The following COL22A1 variants were observed in gnomAD, a reference collection of about 807,000 sequenced individuals.
COL22A1 encodes collagen alpha-1(XXII) chain.
COL22A1 carries 221 observed loss-of-function variants against 248.9 expected under a neutral mutation model. That is an observed-to-expected ratio of 0.89 (90% confidence interval 0.80 to 0.99). The LOEUF is 0.99. Among genes scored for constraint, COL22A1 ranks in the 50% least tolerant of loss-of-function variants. COL22A1 has a pLI of 0.00. For synonymous variants in COL22A1, 891 were observed against 793.4 expected (o/e 1.12, Z -2.07); for missense variants, 2,240 against 2,179.0 (o/e 1.03, Z -0.56).
chr8:138,637,865 C>T (rs573162641), intron 47 of COL22A1, among the ~76,000 whole-genome samples: 1 of 150,348 alleles, frequency 6.7e-6, no homozygotes, highest in Admixed American at 6.7e-5. Flanking sequence ...CATTATTATT[C>T]CATAACCATC....
At position 138,589,121 on chromosome 8, in the gene COL22A1, A is replaced by T; in HGVS notation, c.*132T>A. On this transcript the variant is annotated 3_prime_UTR_variant, in exon 65 of 65. Transcript: ENST00000303045. ...TGAGGTCTCTCAAGAAAATAAAACA[A>T]AAAGCAAACGATAAAAGAAAGAAAA... 1 of 853,848 alleles carries T rather than the reference A, an allele frequency of 1.2e-6. No individual in the cohort carries two copies. The highest frequency in any genetic ancestry group is 1.8e-6 in the Non-Finnish European group (1 of 552,926). 52.9% of individuals were successfully genotyped at this position (853,848 alleles called of 1,614,324 possible). A position where few individuals can be genotyped will look rare whatever the true frequency, so the allele number is the denominator to read the frequency against.
At chr8:138,907,370 T>C (rs1815108266) in intron 1 of COL22A1, among the ~76,000 whole-genome samples, 1 of 152,224 alleles carries the variant, frequency 6.6e-6, no homozygotes. Flanking sequence ...TGAGCATTTA[T>C]TGGTAGGAGA....
intron 23 of COL22A1, among the ~76,000 whole-genome samples, chr8:138,728,560 C>T (rs187153919): frequency 2.6e-5 from 4 of 152,140 alleles, no homozygotes; most frequent in Non-Finnish European, 4.4e-5. Flanking sequence ...TCTGGCCCTG[C>T]TTGCCTTCCT....
chr8:138,768,395 A>G (rs1834079881), intron 16 of COL22A1, among the ~76,000 whole-genome samples: 1 of 152,032 alleles, frequency 6.6e-6, no homozygotes, highest in African/African-American at 2.4e-5. Flanking sequence ...CCCACCTTCC[A>G]TTCTCCTCTC....
At chr8:138,766,401 G>T (rs1260951777) in intron 16 of COL22A1, among the ~76,000 whole-genome samples, 1 of 152,058 alleles carries the variant, frequency 6.6e-6, no homozygotes, top group Admixed American at 6.6e-5. Context: ...AGGAATGAGA[G>T]AGGATACATG....
chr8:138,760,499 T>A (rs1833386048), intron 17 of COL22A1, among the ~76,000 whole-genome samples: 1 of 152,192 alleles, frequency 6.6e-6, no homozygotes, highest in Non-Finnish European at 1.5e-5. Flanking sequence ...TGCTTTCTCA[T>A]CTGCAGTTGC....
intron 1 of COL22A1, among the ~76,000 whole-genome samples, chr8:138,887,771 T>C (rs185981141): frequency 2.0e-5 from 3 of 152,324 alleles, no homozygotes; most frequent in Admixed American, 2.0e-4. Context: ...TAGGGGGTCA[T>C]AAGAGTTTTG....
At chr8:138,874,668 G>A (rs1823577686) in intron 3 of COL22A1, among the ~76,000 whole-genome samples, 1 of 152,162 alleles carries the variant, frequency 6.6e-6, no homozygotes, top group African/African-American at 2.4e-5. Context: ...GCCCTCCCAT[G>A]TCCATTCTCT....
intron 1 of COL22A1, among the ~76,000 whole-genome samples, chr8:138,884,592 C>T (rs1169124089): frequency 2.0e-5 from 3 of 152,116 alleles, no homozygotes; most frequent in African/African-American, 7.2e-5. Flanking sequence ...AACTCATTTA[C>T]CCTTTGTAAA....
In COL22A1 at chr8:138,667,526, GAACA is replaced by G. The variant is rs149249243; in HGVS notation, c.3151-3790_3151-3787del. On this transcript the variant is annotated intron_variant, in intron 41 of 64. Transcript: ENST00000303045. Reference sequence around the variant, plus strand: ...ATCCCCGAGTTCAAAATTATTCTTAGAACAAACAGCAACAATAAGCATCTAATTG... The same window carrying G: ...ATCCCCGAGTTCAAAATTATTCTTAGAACAGCAACAATAAGCATCTAATTG... Among the ~76,000 whole-genome samples, 1,424 of 152,218 alleles carry G rather than the reference GAACA, an allele frequency of 9.4e-3. 12 individuals are homozygous for G. Among genetic ancestry groups the G allele is most frequent in the African/African-American group, 0.027 (1,133 of 41,542 alleles).
intron 43 of COL22A1, among the ~76,000 whole-genome samples, chr8:138,660,780 G>A (rs371452584): frequency 0.079 from 10,114 of 128,218 alleles, 350 homozygotes; most frequent in Non-Finnish European, 0.08. Flanking sequence ...ATGCACGCAT[G>A]CACACACACA....
At chr8:138,661,925 CA>C in intron 43 of COL22A1, 104 bp downstream of exon 43, 2 of 746,512 alleles carry the variant, frequency 2.7e-6, no homozygotes, top group Non-Finnish European at 4.3e-6. Context: ...AACCGGGCTA[CA>C]AAGTTGGCCA....
At chr8:138,643,651 C>CAAAT in intron 47 of COL22A1, among the ~76,000 whole-genome samples, 1 of 146,666 alleles carries the variant, frequency 6.8e-6, no homozygotes, top group East Asian at 2.0e-4. Flanking sequence ...GATAGATAGA[C>CAAAT]AGATAGATAG....
chr8:138,625,669 A>G (rs1820177751), intron 51 of COL22A1, among the ~76,000 whole-genome samples: 1 of 152,250 alleles, frequency 6.6e-6, no homozygotes, highest in African/African-American at 2.4e-5. Context: ...TGCTATGCAT[A>G]CAAAATTGTC....
At chr8:138,887,746 T>C (rs1824771794) in intron 1 of COL22A1, among the ~76,000 whole-genome samples, 1 of 152,162 alleles carries the variant, frequency 6.6e-6, no homozygotes, top group African/African-American at 2.4e-5. Flanking sequence ...GAGGGTAGAT[T>C]TGTAGAAAAA....
intron 61 of COL22A1, among the ~76,000 whole-genome samples, 174 bp from the exon 62 acceptor site, chr8:138,597,144 T>C (rs969637958): frequency 1.2e-4 from 19 of 152,222 alleles, no homozygotes; most frequent in African/African-American, 4.6e-4. Flanking sequence ...TTCTCTGTTA[T>C]GCAGGCAGCA....
chr8:138,881,071 C>T (rs143233339), intron 2 of COL22A1, among the ~76,000 whole-genome samples: 185 of 152,320 alleles, frequency 1.2e-3, no homozygotes, highest in Middle Eastern at 3.4e-3. Flanking sequence ...GGCTATGCCA[C>T]TCCTGGCAGG....
intron 49 of COL22A1, among the ~76,000 whole-genome samples, chr8:138,633,264 A>G (rs2132013506): frequency 6.6e-6 from 1 of 152,262 alleles, no homozygotes; most frequent in East Asian, 1.9e-4. Context: ...ACAAAATAGA[A>G]GCTCAATAAA....
intron 12 of COL22A1, among the ~76,000 whole-genome samples, chr8:138,795,923 A>C (rs968044289): frequency 6.6e-6 from 1 of 152,126 alleles, no homozygotes; most frequent in Non-Finnish European, 1.5e-5. Context: ...CAAGGGACTA[A>C]TGTGACCCCC....
Sources: gnomAD v4.1 joint callset for allele counts (sites outside exome capture counted in the v4.1 genomes callset) on GRCh38, gnomAD v4.1.1 for gene constraint, MANE v1.5 for transcripts, NCBI Gene and HGNC (gene_info 2026-07-23, HGNC 2026-07-21) for gene names.